The following CS variants were observed in gnomAD, a reference collection of about 807,000 sequenced individuals.
CS encodes the protein citrate synthase, mitochondrial.
A neutral mutation model predicts 61.4 loss-of-function variants in CS; 13 were observed. The ratio of observed to expected loss-of-function variants is 0.21; its 90% CI spans 0.14 to 0.34. CS has a LOEUF of 0.34. Ranked by LOEUF, CS falls within the 10% of genes least tolerant of loss-of-function variation. CS has a pLI of 1.00. For synonymous variants in CS, 159 were observed against 215.2 expected, an observed-to-expected ratio of 0.74 and a Z score of 2.29; for missense variants, 278 against 573.4, an observed-to-expected ratio of 0.48 and a Z score of 5.26.
intron 1 of CS, among the ~76,000 whole-genome samples, chr12:56,289,291 A>G (rs1873040261): frequency 6.6e-6 from 1 of 152,194 alleles, no homozygotes; most frequent in Non-Finnish European, 1.5e-5. Flanking sequence ...ATTGTTCTAC[A>G]GAGTTAACCT....
At chr12:56,289,018 A>G (rs1055979583) in intron 1 of CS, among the ~76,000 whole-genome samples, 1 of 152,162 alleles carries the variant, frequency 6.6e-6, no homozygotes, top group African/African-American at 2.4e-5. Flanking sequence ...GCATAGACCA[A>G]GCCAGTATGT....
rs562141070 is a variant in CS at position 56,300,272 on chromosome 12, G to A, written c.-71C>T. The A allele has an allele frequency of 4.1e-6, 6 of 1,477,228 alleles. No homozygotes were observed. Among genetic ancestry groups the A allele is most frequent in the East Asian group, 5.4e-5 (2 of 37,208 alleles). The allele number at this position is 1,477,228 out of a possible 1,614,324, so 91.5% of individuals were successfully genotyped here. A position where few individuals can be genotyped will look rare whatever the true frequency, so the allele number is the denominator to read the frequency against. ...AGCTGCGGCAGGAACAGGAGCCGCCGCCGCTGCACCAGAGGCCGCGCCGAC... is the reference window on the plus strand; with the variant it reads ...AGCTGCGGCAGGAACAGGAGCCGCCACCGCTGCACCAGAGGCCGCGCCGAC... On this transcript the variant is annotated 5_prime_UTR_variant, in exon 1 of 11. Transcript: ENST00000351328.
intron 1 of CS, among the ~76,000 whole-genome samples, chr12:56,293,342 G>C (rs1873192373): frequency 6.6e-6 from 1 of 152,150 alleles, no homozygotes; most frequent in Admixed American, 6.5e-5. Context: ...GGGGGAGGCT[G>C]GGCGCAGTGG....
chr12:56,291,251 TC>T, intron 1 of CS: 1 of 1,126,386 alleles, frequency 8.9e-7, no homozygotes, highest in South Asian at 1.8e-5. Context: ...GGGAGTTGGA[TC>T]CCAGGAAAGA....
At position 56,282,487 on chromosome 12, in the gene CS, G is replaced by A; in HGVS notation, c.521C>T (p.Ala174Val). Reference sequence around the variant, plus strand: ...GGCAAAGTTACTTTCACTGTTGAGGGCTGTAACAGCTGCACTGAGCTGAGA... The same window carrying A: ...GGCAAAGTTACTTTCACTGTTGAGGACTGTAACAGCTGCACTGAGCTGAGA... ...PMSQLSAAVT[A>V]LNSESNFARA... The change falls in exon 6 of 11, where the codon GCC (alanine) becomes GTC (valine). Residue 174 changes from alanine (A) to valine (V), a missense_variant. By Grantham distance (64) the Ala-to-Val change is moderately conservative. Around this residue, in one of 2 missense-constraint regions of CS, gnomAD observed 223 missense variants for 503.5 expected, o/e 0.44. Coordinates refer to ENST00000351328, the MANE Select transcript of CS (RefSeq NM_004077.3). 6.2e-7 allele frequency: 1 copy of A among 1,614,004 alleles called. No homozygotes were observed. The highest frequency in any genetic ancestry group is 8.5e-7 in the Non-Finnish European group (1 of 1,180,006).
rs775690643 is a variant in CS at position 56,276,001 on chromosome 12, G to A, written c.783C>T (p.Ile261=). ...GGTTGCTGGGTCTAGCTTACCTGTG[G>A]ATGGTGAGGTACAGGCGCGTGAGCT... ...FTELTRLYLT[I]HSDHEGGNVS... The change falls in exon 7 of 11, where the codon ATC becomes ATT. Residue 261 remains isoleucine, a synonymous_variant. Transcript: ENST00000351328. The A allele has an allele frequency of 1.2e-6, 2 of 1,613,988 alleles. No individual in the cohort carries two copies. Among genetic ancestry groups the A allele is most frequent in the Non-Finnish European group, 1.7e-6 (2 of 1,180,000 alleles).
intron 7 of CS, 85 bp from the exon 8 acceptor site, chr12:56,275,216 C>A (rs1394473007): frequency 4.5e-6 from 7 of 1,543,112 alleles, no homozygotes; most frequent in Non-Finnish European, 6.2e-6. Flanking sequence ...TTGCCACTTA[C>A]TAGCCTAGTT....
At chr12:56,275,236 T>G in intron 7 of CS, 105 bp from the exon 8 acceptor site, 3 of 1,359,924 alleles carry the variant, frequency 2.2e-6, no homozygotes, top group Admixed American at 3.5e-5. Flanking sequence ...TATGGGCTCA[T>G]GCCAGCCTAT....
At chr12:56,276,974 C>A (rs914086970) in intron 6 of CS, among the ~76,000 whole-genome samples, 6 of 151,892 alleles carry the variant, frequency 4.0e-5, no homozygotes, top group East Asian at 1.9e-4. Context: ...CTGAGGCTGG[C>A]AGATCATTTG....
chr12:56,296,287 A>G (rs1873303092), intron 1 of CS, among the ~76,000 whole-genome samples: 1 of 152,030 alleles, frequency 6.6e-6, no homozygotes, highest in African/African-American at 2.4e-5. Flanking sequence ...ATGGCAAAAC[A>G]CTGTCTCCAA....
At chr12:56,277,919 G>A (rs1001924084) in intron 6 of CS, among the ~76,000 whole-genome samples, 3 of 151,976 alleles carry the variant, frequency 2.0e-5, no homozygotes, top group Non-Finnish European at 2.9e-5. Flanking sequence ...GTGAGCCACC[G>A]CACCCGGCCG....
intron 6 of CS, among the ~76,000 whole-genome samples, chr12:56,277,391 C>T (rs1317939068): frequency 7.4e-4 from 111 of 150,254 alleles, no homozygotes; most frequent in African/African-American, 2.3e-3. Flanking sequence ...CCCAGCTACT[C>T]GGGAGGCTGA....
intron 1 of CS, among the ~76,000 whole-genome samples, chr12:56,299,187 G>C (rs1371528050): frequency 7.2e-5 from 11 of 152,096 alleles, no homozygotes; most frequent in African/African-American, 2.7e-4. Flanking sequence ...CCCCTGCTTG[G>C]ATTAGAGGGC....
chr12:56,295,152 A>C (rs1041848598), intron 1 of CS, among the ~76,000 whole-genome samples: 4 of 150,522 alleles, frequency 2.7e-5, no homozygotes, highest in Admixed American at 1.3e-4. Context: ...ATCTCAAACT[A>C]CTGGGCTCAA....
intron 6 of CS, among the ~76,000 whole-genome samples, chr12:56,278,691 C>T (rs1340063940): frequency 4.0e-5 from 6 of 149,708 alleles, no homozygotes; most frequent in East Asian, 2.0e-4. Flanking sequence ...GAGCCGAGGT[C>T]GTGCCACTGC....
intron 9 of CS, chr12:56,274,000 T>A: frequency 3.4e-6 from 1 of 290,082 alleles, no homozygotes; most frequent in Non-Finnish European, 6.8e-6. Context: ...CATCTGGCTT[T>A]TTTTTTTTTT....
intron 1 of CS, chr12:56,299,855 A>G (rs1171393344): frequency 2.1e-5 from 7 of 332,174 alleles, no homozygotes; most frequent in South Asian, 1.7e-4. Flanking sequence ...GCTCCTTGCT[A>G]TTTCAGGGCC....
chr12:56,286,561 A>G, intron 2 of CS, 34 bp downstream of exon 2: 1 of 1,608,826 alleles, frequency 6.2e-7, no homozygotes, highest in South Asian at 1.1e-5. Flanking sequence ...GGCCGCAATG[A>G]TTCTTATTCT....
chr12:56,273,835 A>G lies in CS; in HGVS notation c.1021-39T>C, dbSNP rs756188524. ...GGAAAAAAGATAGTATTCTCAGTAG[A>G]AATTCTTTTATTTTTCGAGACAGGA... is the stretch of plus-strand genomic sequence containing the variant. On this transcript the variant is annotated intron_variant, in intron 9 of 10. Transcript: ENST00000351328. 5.8e-6 allele frequency: 9 copies of G among 1,542,182 alleles called. No individual in the cohort carries two copies. In the Admixed American group the frequency reaches 1.2e-4, roughly 20 times the overall value.
Sources: gnomAD v4.1 joint callset for allele counts (sites outside exome capture counted in the v4.1 genomes callset) on GRCh38, gnomAD v4.1.1 for gene constraint, gnomAD v4.1.1 regional missense constraint, MANE v1.5 for transcripts, NCBI Gene and HGNC (gene_info 2026-07-23, HGNC 2026-07-21) for gene names.